Variants in CATSPER2 observed in about 807,000 individuals in gnomAD.
CATSPER2 encodes cation channel sperm associated 2.
Under a neutral mutation model 68.8 loss-of-function variants are expected in CATSPER2, and 56 were observed. The observed-to-expected ratio is 0.81, with a 90% CI of 0.66 to 1.02. CATSPER2 has a LOEUF of 1.02. Among genes scored for constraint, CATSPER2 ranks in the 50% least tolerant of loss-of-function variants. The pLI, the probability that CATSPER2 is intolerant of heterozygous loss-of-function variation, is 0.00. For synonymous variants in CATSPER2, 198 were observed against 229.9 expected, an observed-to-expected ratio of 0.86 and a Z score of 1.26; for missense variants, 582 against 642.0, an observed-to-expected ratio of 0.91 and a Z score of 1.01.
rs960591177 is a variant in CATSPER2, at chr15:43,629,820, G to A, written c.*881C>T. 2 of 151,666 alleles carry A rather than the reference G, an allele frequency of 1.3e-5. No individual in the cohort carries two copies. Among genetic ancestry groups the A allele is most frequent in the African/African-American group, 4.9e-5 (2 of 41,206 alleles). The allele number at this position is 151,666 out of a possible 1,614,324, so 9.4% of individuals were successfully genotyped here. A position where few individuals can be genotyped will look rare whatever the true frequency, so the allele number is the denominator to read the frequency against. On this transcript the variant is annotated 3_prime_UTR_variant, in exon 13 of 13. Transcript: ENST00000396879. ...AAAGAGACTTCCGGTCCAGAAACAGGTAAAAATAATATCCAATTAAAGTTA... is the reference window on the plus strand; with the variant it reads ...AAAGAGACTTCCGGTCCAGAAACAGATAAAAATAATATCCAATTAAAGTTA...
At chr15:43,639,513 C>T in intron 6 of CATSPER2, 130 bp downstream of exon 6, 5 of 1,537,144 alleles carry the variant, frequency 3.3e-6, no homozygotes, top group Admixed American at 3.4e-5. Context: ...GACCCATCCC[C>T]CTCGGCTTCC....
chr15:43,646,317 G>A (rs1236497599), intron 4 of CATSPER2, among the ~76,000 whole-genome samples: 1 of 150,924 alleles, frequency 6.6e-6, no homozygotes, highest in African/African-American at 2.4e-5. Flanking sequence ...ATGGGGTGCA[G>A]TGGCGTGATT....
intron 9 of CATSPER2, 114 bp downstream of exon 9, chr15:43,635,613 T>G (rs371573229): frequency 9.1e-7 from 1 of 1,094,408 alleles, no homozygotes. Context: ...ATTCTTATCC[T>G]TGGGGGCAAA....
At chr15:43,638,803 T>G (rs2086013935) in intron 7 of CATSPER2, 101 bp downstream of exon 7, 8 of 1,400,094 alleles carry the variant, frequency 5.7e-6, no homozygotes, top group Non-Finnish European at 7.0e-6. Flanking sequence ...TTCAGTTTCT[T>G]GGAATAGACT....
intron 4 of CATSPER2, among the ~76,000 whole-genome samples, chr15:43,644,192 A>G (rs2614828): frequency 2.0e-5 from 3 of 152,054 alleles, no homozygotes; most frequent in South Asian, 2.1e-4. Flanking sequence ...AGTTTAGATC[A>G]CTTTGTGATT....
At chr15:43,636,295 A>T in intron 7 of CATSPER2, 76 bp from the exon 8 acceptor site, 1 of 1,563,476 alleles carries the variant, frequency 6.4e-7, no homozygotes, top group Non-Finnish European at 8.8e-7. Context: ...TTACTTTTAA[A>T]GAAACATAAA....
chr15:43,635,363 T>G lies in CATSPER2; in HGVS notation c.1175A>C (p.Asp392Ala), dbSNP rs374107739. 48 of 1,608,946 alleles carry G rather than the reference T, an allele frequency of 3.0e-5. No homozygotes were observed. The highest frequency in any genetic ancestry group is 1.3e-4 in the East Asian group (6 of 44,808). The change falls in exon 10 of 13, where the codon GAC (aspartate) becomes GCC (alanine). Residue 392 changes from aspartate to alanine, a missense_variant. Around this residue, in one of 5 missense-constraint regions of CATSPER2, gnomAD observed 235 missense variants for 264.2 expected, o/e 0.89. Transcript: ENST00000396879. ...AGTTCACATACATACTCCTAACCTG[T>G]CCTCTATTTTGCTATGGCTTGACGT... ...ALTSSHSKIE[D>A]SSRGASQQRE...
In CATSPER2 at chr15:43,636,177, G is replaced by A. The variant is rs755262211; in HGVS notation, c.885C>T (p.Thr295=). ...GAAGCAGTGCATACCAATGATCCAA[G>A]GTGAAGAGAATGAACACTGTTACCA... The part of the protein sequence containing the change: ...NSLVTVFILF[T]LDHWYALLQD... The change falls in exon 8 of 13, where the codon ACC becomes ACT. Residue 295 remains threonine, a synonymous_variant. Coordinates refer to ENST00000396879, the MANE Select transcript of CATSPER2 (RefSeq NM_172095.4). 6.2e-7 allele frequency: 1 copy of A among 1,612,614 alleles called. No homozygotes were observed. Among genetic ancestry groups the A allele is most frequent in the Admixed American group, 1.7e-5 (1 of 59,940 alleles).
chr15:43,633,397 GA>G lies in CATSPER2; in HGVS notation c.1179-464del, dbSNP rs1268525767. On this transcript the variant is annotated intron_variant, in intron 10 of 12. Coordinates refer to ENST00000396879, the MANE Select transcript of CATSPER2 (RefSeq NM_172095.4). ...TACAATGGCACCCATAACCCTACAGGATCAGGTCACCATTCTCTCTCTGACT... is the reference window on the plus strand; with the variant it reads ...TACAATGGCACCCATAACCCTACAGGTCAGGTCACCATTCTCTCTCTGACT... 1.4e-4 allele frequency: 28 copies of G among 194,958 alleles called. No individual in the cohort carries two copies. The South Asian group carries it at 2.8e-3, about 19-fold the overall frequency. 12.1% of individuals were successfully genotyped at this position (194,958 alleles called of 1,614,324 possible).
intron 7 of CATSPER2, among the ~76,000 whole-genome samples, chr15:43,637,985 CT>C (rs1483201585): frequency 6.7e-6 from 1 of 148,838 alleles, no homozygotes; most frequent in Non-Finnish European, 1.5e-5. Context: ...TGGAGTTTCA[CT>C]CTTTGTTGCC....
intron 2 of CATSPER2, 47 bp downstream of exon 2, chr15:43,647,870 T>G (rs1954282752): frequency 6.3e-7 from 1 of 1,595,006 alleles, no homozygotes; most frequent in East Asian, 2.2e-5. Flanking sequence ...GTAGAGGATG[T>G]GGATAGGAGT....
At position 43,647,935 on chromosome 15, in the gene CATSPER2, T is replaced by C; in HGVS notation, c.127A>G (p.Thr43Ala). Reference protein sequence around the residue: ...QGLSQAVPRHTIRELLDPSRQ... With the variant: ...QGLSQAVPRHAIRELLDPSRQ... ...TGCTGACCAAGTAACTCCCTGATAG[T>C]GTGCCGCGGCACAGCTTGGCTCAAG... The change falls in exon 2 of 13, where the codon ACT becomes GCT. Residue 43 changes from threonine to alanine, a missense_variant. Physicochemically the swap from Thr to Ala is moderately conservative, Grantham distance 58 (BLOSUM62 0). This residue lies in a region of CATSPER2 where 197 missense variants were observed against 191.0 expected (regional missense o/e 1.03). Transcript: ENST00000396879. The C allele has an allele frequency of 9.9e-6, 16 of 1,613,734 alleles. No homozygotes were observed. The highest frequency in any genetic ancestry group is 1.3e-5 in the Non-Finnish European group (15 of 1,179,804).
intron 7 of CATSPER2, 119 bp from the exon 8 acceptor site, chr15:43,636,338 C>T (rs1281246003): frequency 1.3e-5 from 17 of 1,359,192 alleles, no homozygotes; most frequent in Non-Finnish European, 1.8e-5. Flanking sequence ...GATTTTGGCT[C>T]CTTTTCTACC....
Position 43,647,431 on chromosome 15 carries a change from TG to T in CATSPER2, c.181del (p.Gln61AsnfsTer4). On this transcript the variant is annotated frameshift_variant, in exon 3 of 13. Transcript: ENST00000396879. LOFTEE classifies it high-confidence loss of function. ...TATAGAGAAACGCACTAGCTGGTGTTGATCTCCCAATACAAGTTTCTTCTGG... is the reference window on the plus strand; with the variant it reads ...TATAGAGAAACGCACTAGCTGGTGTTATCTCCCAATACAAGTTTCTTCTGG... Reference protein sequence around the residue: ...SRQKKLVLGDQHQLVRFSIKP... With the variant: ...SRQKKLVLGDXHQLVRFSIKP... The T allele has an allele frequency of 1.2e-6, 2 of 1,610,242 alleles. No homozygotes were observed. The highest frequency in any genetic ancestry group is 2.2e-5 in the South Asian group (2 of 90,812).
intron 4 of CATSPER2, chr15:43,643,135 C>A (rs913740931): frequency 6.6e-6 from 1 of 151,874 alleles, no homozygotes; most frequent in Non-Finnish European, 1.5e-5. Flanking sequence ...TATTGCTACT[C>A]CCTATTCTAG....
intron 4 of CATSPER2, among the ~76,000 whole-genome samples, chr15:43,641,351 G>T (rs1204077110): frequency 6.6e-6 from 1 of 151,768 alleles, no homozygotes; most frequent in Non-Finnish European, 1.5e-5. Flanking sequence ...GACCTCAGGT[G>T]ATCCGCCCAC....
At position 43,647,949 on chromosome 15, in the gene CATSPER2, G is replaced by C; in HGVS notation, c.113C>G (p.Ala38Gly). The change falls in exon 2 of 13, where the codon GCT becomes GGT. Residue 38 changes from alanine (A) to glycine (G), a missense_variant. Ala to Gly is a moderately conservative substitution (Grantham distance 60, BLOSUM62 0). This residue lies in a region of CATSPER2 where 197 missense variants were observed against 191.0 expected (regional missense o/e 1.03). Transcript: ENST00000396879. ...CTCCCTGATAGTGTGCCGCGGCACA[G>C]CTTGGCTCAAGCCTTGCAAATGCTC... ...LIEHLQGLSQAVPRHTIRELL... is the reference protein window; with the variant it reads ...LIEHLQGLSQGVPRHTIRELL... 3.1e-6 allele frequency: 5 copies of C among 1,613,712 alleles called. No homozygotes were observed. The highest frequency in any genetic ancestry group is 4.2e-6 in the Non-Finnish European group (5 of 1,179,774).
chr15:43,645,059 G>T (rs367969959), intron 4 of CATSPER2, among the ~76,000 whole-genome samples: 3 of 151,918 alleles, frequency 2.0e-5, no homozygotes, highest in Admixed American at 1.3e-4. Flanking sequence ...CTGCAGTAAA[G>T]GACTATTTTA....
intron 4 of CATSPER2, chr15:43,643,018 T>C (rs2086099005): frequency 6.6e-6 from 1 of 152,066 alleles, no homozygotes; most frequent in South Asian, 2.1e-4. Context: ...TGAACATCTA[T>C]GCTTCAATAT....
Sources: gnomAD v4.1 joint callset for allele counts (sites outside exome capture counted in the v4.1 genomes callset) on GRCh38, gnomAD v4.1.1 for gene constraint, gnomAD v4.1.1 regional missense constraint, MANE v1.5 for transcripts, NCBI Gene and HGNC (gene_info 2026-07-23, HGNC 2026-07-21) for gene names.